SMAD3: variants seen among roughly 807,000 people sequenced by gnomAD.
SMAD3 encodes the protein MAD homolog 3.
In SMAD3, 12 loss-of-function variants were observed where a neutral mutation model predicts 51.8. That is an observed-to-expected ratio of 0.23 (90% confidence interval 0.15 to 0.38). SMAD3 has a LOEUF of 0.38. Ranked by LOEUF, SMAD3 falls within the 10% of genes least tolerant of loss-of-function variation. The pLI, the probability that SMAD3 is intolerant of heterozygous loss-of-function variation, is 1.00. For synonymous variants in SMAD3, 238 were observed against 227.7 expected, an observed-to-expected ratio of 1.05 and a Z score of -0.41; for missense variants, 294 against 565.6, an observed-to-expected ratio of 0.52 and a Z score of 4.87.
chr15:67,098,904 C>T (rs1960683495), intron 1 of SMAD3: 2 of 702,262 alleles, frequency 2.8e-6, no homozygotes, highest in Non-Finnish European at 5.2e-6. Flanking sequence ...CCTGAGGGGG[C>T]CAGTGTGGAG....
intron 8 of SMAD3, among the ~76,000 whole-genome samples, chr15:67,188,677 G>A (rs777688425): frequency 2.6e-5 from 4 of 152,208 alleles, no homozygotes; most frequent in East Asian, 1.9e-4. Context: ...TAGAGCCAGC[G>A]CCTTGCAAGC....
intron 1 of SMAD3, among the ~76,000 whole-genome samples, chr15:67,096,491 A>T (rs1161702748): frequency 6.6e-6 from 1 of 152,266 alleles, no homozygotes; most frequent in Non-Finnish European, 1.5e-5. Context: ...TAGGAGTGGT[A>T]AAATTCATGC....
At chr15:67,165,655 G>A (rs1004906005) in intron 3 of SMAD3, among the ~76,000 whole-genome samples, 6 of 152,244 alleles carry the variant, frequency 3.9e-5, no homozygotes, top group Non-Finnish European at 8.8e-5. Context: ...ATTTATTTTG[G>A]AAGCGGAAAT....
intron 1 of SMAD3, among the ~76,000 whole-genome samples, chr15:67,131,016 C>T (rs1427626801): frequency 6.6e-6 from 1 of 152,226 alleles, no homozygotes; most frequent in African/African-American, 2.4e-5. Flanking sequence ...CTGAGACTTT[C>T]TGCTCGGGGA....
intron 1 of SMAD3, among the ~76,000 whole-genome samples, chr15:67,074,169 G>A (rs975149377): frequency 1.3e-5 from 2 of 152,162 alleles, no homozygotes; most frequent in African/African-American, 4.8e-5. Flanking sequence ...TCCTTACTCT[G>A]TGAGTCTAAA....
intron 1 of SMAD3, among the ~76,000 whole-genome samples, chr15:67,076,351 G>A (rs1264199385): frequency 5.9e-5 from 9 of 152,204 alleles, no homozygotes. Context: ...GGCGGGGGAT[G>A]GGTAAGATCC....
At chr15:67,098,376 A>AAGCCAGCAAGCC (rs1566967411) in intron 1 of SMAD3, among the ~76,000 whole-genome samples, 1 of 149,898 alleles carries the variant, frequency 6.7e-6, no homozygotes, top group East Asian at 2.0e-4. Flanking sequence ...GCAAGCAAGC[A>AAGCCAGCAAGCC]AGCCAGCAGG....
At position 67,181,305 on chromosome 15, in the gene SMAD3, C is replaced by G. The variant is rs144667334; in HGVS notation, c.723C>G (p.Asn241Lys). 1 of 1,614,038 alleles carries G rather than the reference C, an allele frequency of 6.2e-7. No homozygotes were observed. The highest frequency in any genetic ancestry group is 1.7e-5 in the Admixed American group (1 of 60,026). ...FWCSISYYEL[N>K]QRVGETFHAS... ...GCTCCATCTCCTACTACGAGCTGAA[C>G]CAGCGCGTCGGGGAGACATTCCACG... The change falls in exon 6 of 9, where the codon AAC (asparagine) becomes AAG (lysine). Residue 241 changes from asparagine to lysine, a missense_variant. Around this residue, in one of 3 missense-constraint regions of SMAD3, gnomAD observed 118 missense variants for 278.0 expected, o/e 0.42. Coordinates refer to ENST00000327367, the MANE Select transcript of SMAD3 (RefSeq NM_005902.4).
intron 1 of SMAD3, among the ~76,000 whole-genome samples, chr15:67,160,857 G>A (rs935683844): frequency 6.8e-5 from 10 of 147,840 alleles, no homozygotes; most frequent in Non-Finnish European, 1.5e-4. Flanking sequence ...TCTAGAAACA[G>A]GTCTATTATC....
At chr15:67,126,598 CG>C (rs1961394737) in intron 1 of SMAD3, among the ~76,000 whole-genome samples, 1 of 152,140 alleles carries the variant, frequency 6.6e-6, no homozygotes, top group South Asian at 2.1e-4. Context: ...TTCTATTCTG[CG>C]TTTAAGGCCC....
intron 1 of SMAD3, among the ~76,000 whole-genome samples, chr15:67,116,939 TGAAA>T (rs1961148574): frequency 6.6e-6 from 1 of 152,142 alleles, no homozygotes; most frequent in Non-Finnish European, 1.5e-5. Context: ...ATGTTTATCT[TGAAA>T]GAAGTTGTCA....
rs190107871 is a variant in SMAD3, at chr15:67,135,015, C to T, written c.207-29880C>T. Among the ~76,000 whole-genome samples the T allele has an allele frequency of 2.1e-3, 316 of 152,270 alleles. 8 individuals carry two copies. Among genetic ancestry groups the T allele is most frequent in the Admixed American group, 0.019 (292 of 15,308 alleles). On this transcript the variant is annotated intron_variant, in intron 1 of 8. Coordinates refer to ENST00000327367, the MANE Select transcript of SMAD3 (RefSeq NM_005902.4). ...GCTGGGGAGATGTACCCAGGGGGTC[C>T]TGTGCTGGGAGAGTGGAAGCAGGGG...
rs918058947 is a variant in SMAD3, at chr15:67,191,074, C to T, written c.*538C>T. The T allele has an allele frequency of 2.1e-5, 3 of 144,902 alleles. No homozygotes were observed. The highest frequency in any genetic ancestry group is 2.4e-4 in the South Asian group (1 of 4,128). The allele number at this position is 144,902 out of a possible 1,614,324, so 9.0% of individuals were successfully genotyped here. A position where few individuals can be genotyped will look rare whatever the true frequency, so the allele number is the denominator to read the frequency against. ...CGCCCCACCACTCCAGCAGACCTTGCCCCTTGTGAGCTGGATAGACTTGGG... is the reference window on the plus strand; with the variant it reads ...CGCCCCACCACTCCAGCAGACCTTGTCCCTTGTGAGCTGGATAGACTTGGG... On this transcript the variant is annotated 3_prime_UTR_variant, in exon 9 of 9. Transcript: ENST00000327367.
At chr15:67,136,141 A>G (rs2118609) in intron 1 of SMAD3, among the ~76,000 whole-genome samples, 152,292 of 152,314 alleles carry the variant, frequency 1, 76,135 homozygotes, top group Middle Eastern at 1. Context: ...TCAGTGATTC[A>G]AGATCACAGA....
chr15:67,181,925 A>T lies in SMAD3; in HGVS notation c.871+472A>T, dbSNP rs79099778. Among the ~76,000 whole-genome samples the T allele has an allele frequency of 1.6e-4, 24 of 151,828 alleles. No individual in the cohort carries two copies. In the East Asian group the frequency reaches 4.7e-3, roughly 30 times the overall value. ...CTCAGCTTCCCAAGTAGCTGGGATTACAGGCACCCAACCACCACGCCCAGC... is the reference window on the plus strand; with the variant it reads ...CTCAGCTTCCCAAGTAGCTGGGATTTCAGGCACCCAACCACCACGCCCAGC... On this transcript the variant is annotated intron_variant, in intron 6 of 8. Coordinates refer to ENST00000327367, the MANE Select transcript of SMAD3 (RefSeq NM_005902.4).
intron 1 of SMAD3, among the ~76,000 whole-genome samples, chr15:67,076,359 T>A (rs953045902): frequency 2.6e-5 from 4 of 152,138 alleles, no homozygotes; most frequent in African/African-American, 9.7e-5. Flanking sequence ...ATGGGTAAGA[T>A]CCTGAAGCAG....
At chr15:67,153,589 GC>G (rs1325407699) in intron 1 of SMAD3, among the ~76,000 whole-genome samples, 1 of 152,134 alleles carries the variant, frequency 6.6e-6, no homozygotes, top group Admixed American at 6.5e-5. Context: ...GAGCAGATTT[GC>G]CCCCCAGGGG....
chr15:67,177,422 GT>G (rs68095915), intron 5 of SMAD3, among the ~76,000 whole-genome samples: 4 of 93,874 alleles, frequency 4.3e-5, no homozygotes, highest in East Asian at 3.3e-4. Flanking sequence ...AGTGTTTTGG[GT>G]TTTTTTTTTT....
At chr15:67,183,000 AATATATATAT>A (rs1555413788) in intron 6 of SMAD3, among the ~76,000 whole-genome samples, 7 of 43,650 alleles carry the variant, frequency 1.6e-4, no homozygotes, top group African/African-American at 6.8e-4. Context: ...AAAAAAAAAA[AATATATATAT>A]ATATATATAT....
Sources: gnomAD v4.1 joint callset for allele counts (sites outside exome capture counted in the v4.1 genomes callset) on GRCh38, gnomAD v4.1.1 for gene constraint, gnomAD v4.1.1 regional missense constraint, MANE v1.5 for transcripts, NCBI Gene and HGNC (gene_info 2026-07-23, HGNC 2026-07-21) for gene names.